The following EPB41L4B variants were observed in gnomAD, a reference collection of about 807,000 sequenced individuals.
EPB41L4B encodes the protein band 4.1-like protein 4B.
In EPB41L4B, 30 loss-of-function variants were observed where a neutral mutation model predicts 112.5. The ratio of observed to expected loss-of-function variants is 0.27; its 90% confidence interval spans 0.20 to 0.36. The LOEUF (loss-of-function observed/expected upper bound fraction) is 0.36, where lower values mean the gene tolerates loss of function less well. Ranked by LOEUF, EPB41L4B falls within the 10% of genes least tolerant of loss-of-function variation. The pLI, the probability that EPB41L4B is intolerant of heterozygous loss-of-function variation, is 1.00. For synonymous variants in EPB41L4B, 408 were observed against 439.7 expected, an observed-to-expected ratio of 0.93 and a Z score of 0.90; for missense variants, 1,024 against 1,133.3, an observed-to-expected ratio of 0.90 and a Z score of 1.38.
At chr9:109,241,770 C>T (rs371521559) in intron 15 of EPB41L4B, 15 of 1,613,998 alleles carry the variant, frequency 9.3e-6, no homozygotes, top group East Asian at 6.7e-5. Context: ...CTCCACTGGC[C>T]GATGCTTTCC....
At chr9:109,243,527 C>T (rs918115207) in intron 15 of EPB41L4B, 91 bp downstream of exon 15, 27 of 1,254,654 alleles carry the variant, frequency 2.2e-5, no homozygotes, top group Non-Finnish European at 2.2e-5. Context: ...ATTTCTGATG[C>T]AGACTTTCTA....
At chr9:109,307,187 T>G (rs1588234728) in intron 1 of EPB41L4B, 1 of 472,568 alleles carries the variant, frequency 2.1e-6, no homozygotes, top group African/African-American at 2.0e-5. Context: ...TTATAGTACA[T>G]ACAATCCTTT....
chr9:109,192,240 C>T (rs1201068936), intron 22 of EPB41L4B, 38 bp downstream of exon 22: 3 of 1,538,610 alleles, frequency 1.9e-6, no homozygotes, highest in Non-Finnish European at 2.7e-6. Context: ...TTTCTATGGT[C>T]TGTGACTTTT....
intron 14 of EPB41L4B, among the ~76,000 whole-genome samples, 178 bp from the exon 15 acceptor site, chr9:109,243,860 A>C (rs1468363883): frequency 6.6e-6 from 1 of 152,164 alleles, no homozygotes; most frequent in Admixed American, 6.5e-5. Flanking sequence ...CCTCTGACAA[A>C]GGCTGGGGGC....
chr9:109,286,356 C>G (rs922705456), intron 1 of EPB41L4B, among the ~76,000 whole-genome samples: 6 of 152,082 alleles, frequency 3.9e-5, no homozygotes, highest in African/African-American at 1.2e-4. Context: ...TGGTGCTCTA[C>G]CAGCAGAAGG....
chr9:109,259,151 C>G (rs1477746090), intron 6 of EPB41L4B, among the ~76,000 whole-genome samples: 1 of 152,178 alleles, frequency 6.6e-6, no homozygotes, highest in Non-Finnish European at 1.5e-5. Context: ...CCCCTGGGAG[C>G]TTGCCCAAAA....
intron 20 of EPB41L4B, among the ~76,000 whole-genome samples, chr9:109,199,897 C>T (rs1236091421): frequency 2.0e-5 from 3 of 152,112 alleles, no homozygotes; most frequent in Non-Finnish European, 4.4e-5. Flanking sequence ...GCAGCCCTGA[C>T]ACCTTGAATG....
chr9:109,270,335 G>T (rs773698744), intron 2 of EPB41L4B, among the ~76,000 whole-genome samples: 1 of 152,116 alleles, frequency 6.6e-6, no homozygotes, highest in Non-Finnish European at 1.5e-5. Flanking sequence ...GGGATGGTGG[G>T]GCTGTGAATG....
At chr9:109,201,859 A>C (rs1159157869) in intron 19 of EPB41L4B, among the ~76,000 whole-genome samples, 1 of 152,052 alleles carries the variant, frequency 6.6e-6, no homozygotes, top group Admixed American at 6.6e-5. Context: ...ATGGACCTCA[A>C]CTCTCTAAAG....
At chr9:109,297,857 G>A (rs1241596700) in intron 1 of EPB41L4B, among the ~76,000 whole-genome samples, 5 of 152,224 alleles carry the variant, frequency 3.3e-5, no homozygotes, top group Non-Finnish European at 5.9e-5. Flanking sequence ...TTGGCTCTGC[G>A]TGTAAGATTT....
At chr9:109,236,340 GT>G (rs1564284993) in intron 15 of EPB41L4B, among the ~76,000 whole-genome samples, 1 of 152,044 alleles carries the variant, frequency 6.6e-6, no homozygotes, top group Non-Finnish European at 1.5e-5. Flanking sequence ...GCCTAAGGAA[GT>G]GCATAGCTTT....
chr9:109,190,438 C>T (rs1832421439), intron 22 of EPB41L4B, among the ~76,000 whole-genome samples: 1 of 152,206 alleles, frequency 6.6e-6, no homozygotes, highest in South Asian at 2.1e-4. Context: ...GGGCACAGGG[C>T]TGGTGGCAAA....
At chr9:109,231,017 G>A (rs1026354161) in intron 15 of EPB41L4B, among the ~76,000 whole-genome samples, 5 of 152,028 alleles carry the variant, frequency 3.3e-5, no homozygotes, top group African/African-American at 1.2e-4. Context: ...AAATTAGCTG[G>A]GCATAGTGGT....
chr9:109,205,784 T>A (rs965664572), intron 18 of EPB41L4B, among the ~76,000 whole-genome samples: 1 of 152,196 alleles, frequency 6.6e-6, no homozygotes, highest in Non-Finnish European at 1.5e-5. Context: ...ATCTTCACAA[T>A]AACCTGACAG....
intron 1 of EPB41L4B, among the ~76,000 whole-genome samples, chr9:109,302,555 T>C (rs1320301682): frequency 4.6e-5 from 7 of 152,120 alleles, no homozygotes; most frequent in African/African-American, 1.7e-4. Flanking sequence ...AGCTACCTCC[T>C]TAGCCAAGTT....
chr9:109,295,501 A>G (rs993267818), intron 1 of EPB41L4B, among the ~76,000 whole-genome samples: 3 of 152,202 alleles, frequency 2.0e-5, no homozygotes, highest in Admixed American at 6.5e-5. Context: ...GCACAAGAAC[A>G]TAGGAATGTT....
intron 2 of EPB41L4B, among the ~76,000 whole-genome samples, chr9:109,278,772 A>C (rs1181837387): frequency 6.6e-6 from 1 of 152,222 alleles, no homozygotes; most frequent in African/African-American, 2.4e-5. Context: ...TGCTCAGCAC[A>C]GGGCCCAGTG....
At chr9:109,240,842 C>A (rs1834330977) in intron 15 of EPB41L4B, 1 of 985,424 alleles carries the variant, frequency 1.0e-6, no homozygotes, top group Non-Finnish European at 1.2e-6. Flanking sequence ...TCTGAAATCA[C>A]GCAAGTTAGC....
chr9:109,320,453 T>TG lies in EPB41L4B; in HGVS notation c.-8dup. ...GGCGCAGGAACCGCAGCATCCTGGC[T>TG]GGGGGCGCCCCCTGCCTCCGCCCCC... On this transcript the variant is annotated 5_prime_UTR_variant, in exon 1 of 26. Transcript: ENST00000374566. The TG allele has an allele frequency of 1.0e-6, 1 of 986,856 alleles. No homozygotes were observed. The highest frequency in any genetic ancestry group is 1.2e-6 in the Non-Finnish European group (1 of 833,148). 61.1% of individuals were successfully genotyped at this position (986,856 alleles called of 1,614,324 possible).
Sources: gnomAD v4.1 joint callset for allele counts (sites outside exome capture counted in the v4.1 genomes callset) on GRCh38, gnomAD v4.1.1 for gene constraint, MANE v1.5 for transcripts, NCBI Gene and HGNC (gene_info 2026-07-23, HGNC 2026-07-21) for gene names.